Variants in SETD3 observed in about 807,000 individuals in gnomAD.
The protein encoded by SETD3 is actin-histidine N-methyltransferase.
A neutral mutation model predicts 63.0 loss-of-function variants in SETD3; 19 were observed. That is an observed-to-expected ratio of 0.30 (90% CI 0.21 to 0.44). SETD3 has a LOEUF of 0.44. Among genes scored for constraint, SETD3 ranks in the 20% least tolerant of loss-of-function variants. The pLI, the probability that SETD3 is intolerant of heterozygous loss-of-function variation, is 1.00. For synonymous variants in SETD3, 286 were observed against 264.1 expected (o/e 1.08, Z -0.80); for missense variants, 587 against 728.5 (o/e 0.81, Z 2.24).
At chr14:99,468,946 C>T (rs1038017425) in intron 1 of SETD3, among the ~76,000 whole-genome samples, 15 of 152,292 alleles carry the variant, frequency 9.8e-5, no homozygotes, top group Admixed American at 5.9e-4. Context: ...CAGGGAAGAG[C>T]ATCTGCACAG....
chr14:99,418,961 A>G (rs1312620799), intron 6 of SETD3, among the ~76,000 whole-genome samples: 1 of 152,212 alleles, frequency 6.6e-6, no homozygotes, highest in Non-Finnish European at 1.5e-5. Flanking sequence ...GCGAGTTTCT[A>G]GAAGGCTGAT....
intron 2 of SETD3, 90 bp downstream of exon 2, chr14:99,465,611 CTT>C: frequency 1.0e-6 from 1 of 1,003,316 alleles, no homozygotes. Context: ...TGAATACCAG[CTT>C]GTCTGATGCA....
chr14:99,451,013 G>T (rs1445368142), intron 6 of SETD3, among the ~76,000 whole-genome samples: 1 of 152,130 alleles, frequency 6.6e-6, no homozygotes, highest in Non-Finnish European at 1.5e-5. Flanking sequence ...CATTCACAGG[G>T]TCTATTAATT....
chr14:99,405,201 G>A lies in SETD3; in HGVS notation c.1091+4C>T, dbSNP rs764488119. 2.9e-5 allele frequency: 46 copies of A among 1,610,132 alleles called. No homozygotes were observed. Among genetic ancestry groups the A allele is most frequent in the Non-Finnish European group, 3.3e-5 (39 of 1,178,888 alleles). On this transcript the variant is annotated splice_donor_region_variant and intron_variant, in intron 10 of 12. Transcript: ENST00000331768. ...AAAGGGCCAACCGATGTTTTTCTAC[G>A]TACGTGGGGATGCCGGCACGAGCCA...
chr14:99,460,390 T>C (rs1895003396), intron 4 of SETD3, among the ~76,000 whole-genome samples: 1 of 152,012 alleles, frequency 6.6e-6, no homozygotes, highest in Non-Finnish European at 1.5e-5. Context: ...TATCACCTAC[T>C]GAATCCCAGA....
chr14:99,408,704 C>A (rs1422953115), intron 8 of SETD3, among the ~76,000 whole-genome samples: 1 of 152,232 alleles, frequency 6.6e-6, no homozygotes, highest in Non-Finnish European at 1.5e-5. Flanking sequence ...GATCCTGCCC[C>A]GGTCTGCAGC....
chr14:99,484,230 G>T (rs1055722221), upstream of SETD3, among the ~76,000 whole-genome samples: 1 of 152,224 alleles, frequency 6.6e-6, no homozygotes, highest in Non-Finnish European at 1.5e-5. Flanking sequence ...CTGTGAATTA[G>T]TCAGGTTGTT....
chr14:99,485,532 G>T (rs1203716592), upstream of SETD3, among the ~76,000 whole-genome samples: 8 of 152,082 alleles, frequency 5.3e-5, no homozygotes, highest in African/African-American at 1.9e-4. Flanking sequence ...CCCTTGACCA[G>T]TTAGCCTCCC....
chr14:99,421,503 A>G (rs747602723), intron 6 of SETD3, among the ~76,000 whole-genome samples: 3 of 152,062 alleles, frequency 2.0e-5, no homozygotes, highest in African/African-American at 4.8e-5. Context: ...AACTTCCTTT[A>G]TAAGGTAACT....
At chr14:99,482,186 G>A (rs1045743255), upstream of SETD3, among the ~76,000 whole-genome samples, 3 of 152,228 alleles carry the variant, frequency 2.0e-5, no homozygotes, top group African/African-American at 7.2e-5. Flanking sequence ...CTTTCGCTAA[G>A]TCATCTGAGG....
chr14:99,408,441 G>A (rs1302036551), intron 8 of SETD3, among the ~76,000 whole-genome samples: 1 of 152,158 alleles, frequency 6.6e-6, no homozygotes, highest in Non-Finnish European at 1.5e-5. Context: ...GGAATGAGAA[G>A]CTGCCCATAT....
At chr14:99,403,808 G>C (rs1355466947) in intron 11 of SETD3, among the ~76,000 whole-genome samples, 2 of 152,108 alleles carry the variant, frequency 1.3e-5, no homozygotes, top group African/African-American at 4.8e-5. Flanking sequence ...AACAAATAAA[G>C]TCCTACGGTC....
At chr14:99,448,390 T>C (rs897741273) in intron 6 of SETD3, among the ~76,000 whole-genome samples, 1 of 152,124 alleles carries the variant, frequency 6.6e-6, no homozygotes, top group African/African-American at 2.4e-5. Context: ...GTGTCTTCCA[T>C]CTGCAGCCAC....
chr14:99,403,211 A>C (rs1891476471), intron 11 of SETD3, among the ~76,000 whole-genome samples: 2 of 152,050 alleles, frequency 1.3e-5, no homozygotes, highest in Non-Finnish European at 2.9e-5. Flanking sequence ...CTTGTGCTGC[A>C]CTGCTCCCTG....
chr14:99,434,846 T>TTAAAAAAA (rs1566706239), intron 6 of SETD3, among the ~76,000 whole-genome samples: 4 of 18,928 alleles, frequency 2.1e-4, no homozygotes, highest in African/African-American at 9.0e-4. Flanking sequence ...AAACTCTGCC[T>TTAAAAAAA]CAAAAAAAAA....
At chr14:99,418,344 A>G (rs1010803176) in intron 6 of SETD3, among the ~76,000 whole-genome samples, 9 of 152,124 alleles carry the variant, frequency 5.9e-5, no homozygotes, top group African/African-American at 1.2e-4. Flanking sequence ...GCATACATTA[A>G]AAGAGATAGT....
intron 6 of SETD3, among the ~76,000 whole-genome samples, chr14:99,442,959 T>C (rs12884473): frequency 0.5 from 75,641 of 151,888 alleles, 19,405 homozygotes; most frequent in African/African-American, 0.6. Flanking sequence ...AACCACACAC[T>C]CTGACGCGGA....
At chr14:99,418,612 T>C (rs1398159051) in intron 6 of SETD3, among the ~76,000 whole-genome samples, 4 of 152,126 alleles carry the variant, frequency 2.6e-5, no homozygotes, top group Non-Finnish European at 5.9e-5. Context: ...TGTGGATCCA[T>C]GGCCTCAGCA....
At chr14:99,468,134 T>C (rs1895496510) in intron 1 of SETD3, among the ~76,000 whole-genome samples, 1 of 148,050 alleles carries the variant, frequency 6.8e-6, no homozygotes, top group Non-Finnish European at 1.5e-5. Context: ...ACTACCACAC[T>C]GCCTCTGTTT....
Sources: allele counts gnomAD v4.1 joint callset (sites outside exome capture counted in the v4.1 genomes callset), GRCh38; gene constraint gnomAD v4.1.1; transcripts MANE v1.5; gene names NCBI Gene and HGNC (gene_info 2026-07-23, HGNC 2026-07-21).